Variants in PSTPIP1 observed in about 807,000 individuals in gnomAD.
PSTPIP1 encodes the protein proline-serine-threonine phosphatase interacting protein 1.
Under a neutral mutation model 69.6 loss-of-function variants are expected in PSTPIP1, and 66 were observed. The ratio of observed to expected loss-of-function variants is 0.95; its 90% CI spans 0.78 to 1.16. The LOEUF is 1.16. Ranked by LOEUF, PSTPIP1 falls within the 50% of genes most tolerant of loss-of-function variation. The pLI is 0.00. For missense variants in PSTPIP1, 603 were observed against 557.4 expected, an observed-to-expected ratio of 1.08 and a Z score of -0.82; for synonymous variants, 266 against 222.7, an observed-to-expected ratio of 1.19 and a Z score of -1.73.
At position 77,027,974 on chromosome 15, in the gene PSTPIP1, G is replaced by A; in HGVS notation, c.417+60G>A. 7.1e-7 allele frequency: 1 copy of A among 1,411,962 alleles called. No homozygotes were observed. Among genetic ancestry groups the A allele is most frequent in the Non-Finnish European group, 9.8e-7 (1 of 1,022,740 alleles). The allele number at this position is 1,411,962 out of a possible 1,614,324, so 87.5% of individuals were successfully genotyped here. ...CGAGGAGCAGCGCAGGTCTCAGGGT[G>A]CGATCCTGGGCTGTGGCCCCGGGCA... is the stretch of plus-strand genomic sequence containing the variant. On this transcript the variant is annotated intron_variant, in intron 6 of 14. Transcript: ENST00000558012. The surrounding 1 kb of genome is among the most constrained non-coding windows in gnomAD (Gnocchi z 4.3).
At chr15:77,009,553 C>G (rs2075890483) in intron 1 of PSTPIP1, among the ~76,000 whole-genome samples, 1 of 152,224 alleles carries the variant, frequency 6.6e-6, no homozygotes, top group Admixed American at 6.5e-5. Context: ...AAACCCAGTT[C>G]TCCTTGTAAA....
intron 2 of PSTPIP1, 98 bp downstream of exon 2, chr15:77,018,346 T>C: frequency 6.5e-7 from 1 of 1,536,196 alleles, no homozygotes; most frequent in Non-Finnish European, 8.8e-7. Context: ...CCAGCCAAAC[T>C]CTGTCAGAAC....
chr15:77,031,120 C>T, intron 9 of PSTPIP1, 60 bp from the exon 10 acceptor site: 1 of 1,510,092 alleles, frequency 6.6e-7, no homozygotes, highest in South Asian at 1.1e-5. Flanking sequence ...GAATGGGGCC[C>T]AGCCTGGCCG....
chr15:76,996,407 G>A lies in PSTPIP1; in HGVS notation c.36+798G>A, dbSNP rs112736225. Among the ~76,000 whole-genome samples, 796 of 152,320 alleles carry A rather than the reference G, an allele frequency of 5.2e-3. 7 individuals carry two copies. The highest frequency in any genetic ancestry group is 0.018 in the African/African-American group (754 of 41,574). ...AACTACCCCTCTGCCCCTCAGCTCT[G>A]GCTGTGCCCAGGGCTCTGGGGAAAA... On this transcript the variant is annotated intron_variant, in intron 1 of 14. Transcript: ENST00000558012.
intron 1 of PSTPIP1, chr15:76,999,375 G>A (rs1282596642): frequency 6.6e-6 from 1 of 151,876 alleles, no homozygotes; most frequent in East Asian, 1.9e-4. Context: ...GCCTCCTGGG[G>A]TCAGGTGATT....
intron 14 of PSTPIP1, among the ~76,000 whole-genome samples, chr15:77,036,790 T>G (rs1305788873): frequency 6.6e-6 from 1 of 152,028 alleles, no homozygotes; most frequent in Admixed American, 6.6e-5. Flanking sequence ...CTCCAGTCAC[T>G]GCGTCTCCAG....
In PSTPIP1 at chr15:77,018,514, T is replaced by C; in HGVS notation, c.195T>C (p.Gly65=). ...TGGTGCAGATCGCACGGAAGGCAGG[T>C]GGCCAGACGGAGATCAAGTAAGATC... is the stretch of plus-strand genomic sequence containing the variant. ...KELVQIARKA[G]GQTEINSLRA... is the part of the protein sequence containing the mutation. Residue 65 remains glycine, a synonymous_variant, in exon 3 of 15, where the codon GGT becomes GGC. Transcript: ENST00000558012. 6.3e-7 allele frequency: 1 copy of C among 1,575,404 alleles called. No homozygotes were observed. The highest frequency in any genetic ancestry group is 8.6e-7 in the Non-Finnish European group (1 of 1,160,454).
chr15:77,032,429 G>T, intron 11 of PSTPIP1, 35 bp downstream of exon 11: 1 of 1,605,120 alleles, frequency 6.2e-7, no homozygotes, highest in Non-Finnish European at 8.5e-7. Context: ...CAGCCTCTAG[G>T]TGCATTGAGC....
intron 1 of PSTPIP1, 93 bp downstream of exon 1, chr15:76,995,702 G>C: frequency 6.3e-7 from 1 of 1,598,498 alleles, no homozygotes; most frequent in Non-Finnish European, 8.6e-7. Flanking sequence ...CTCCGAGAGG[G>C]GAGCTTTCTC....
At chr15:77,021,685 A>T (rs2076164660) in intron 3 of PSTPIP1, among the ~76,000 whole-genome samples, 1 of 152,182 alleles carries the variant, frequency 6.6e-6, no homozygotes, top group Non-Finnish European at 1.5e-5. Flanking sequence ...TCTTAAAAAA[A>T]AAGATAGTGT....
At chr15:77,025,213 C>T (rs1005192177) in intron 3 of PSTPIP1, 71 bp from the exon 4 acceptor site, 29 of 1,513,440 alleles carry the variant, frequency 1.9e-5, no homozygotes, top group Middle Eastern at 3.4e-4. Context: ...CCCACCCCGC[C>T]GGGAGGCAGC....
chr15:76,998,856 G>A (rs35018118), intron 1 of PSTPIP1, among the ~76,000 whole-genome samples: 57,677 of 152,086 alleles, frequency 0.38, 13,053 homozygotes, highest in Middle Eastern at 0.56. Flanking sequence ...TGCTGTAGGA[G>A]TGAGGCAGGG....
In PSTPIP1 at chr15:77,027,897, T is replaced by C. The variant is rs374212404; in HGVS notation, c.400T>C (p.Tyr134His). The change falls in exon 6 of 15, where the codon TAC (tyrosine) becomes CAC (histidine). Residue 134 changes from tyrosine (Y) to histidine (H), a missense_variant. Transcript: ENST00000558012. This position sits in a 1 kb window ranked among gnomAD's most constrained non-coding sequence, Gnocchi z 4.3. ...GGTCCAGAAGAGCAAGCTGTCGCTC[T>C]ACAAGAAGGCCATGGAGGTGAGCGC... is the stretch of plus-strand genomic sequence containing the variant. Reference protein sequence around the residue: ...DRVQKSKLSLYKKAMESKKTY... With the variant: ...DRVQKSKLSLHKKAMESKKTY... The C allele has an allele frequency of 1.5e-5, 24 of 1,565,236 alleles. No individual in the cohort carries two copies. Among genetic ancestry groups the C allele is most frequent in the Non-Finnish European group, 1.9e-5 (22 of 1,155,646 alleles).
Position 77,030,512 on chromosome 15 carries a change from C to G in PSTPIP1, c.573C>G (p.Tyr191Ter). The change falls in exon 9 of 15, where the codon TAC (tyrosine) becomes TAG (stop). Residue 191 changes from tyrosine to a stop codon, truncating the protein, a stop_gained. Transcript: ENST00000558012. LOFTEE classifies it high-confidence loss of function. ...KDSATEAERV[Y>*]RQSIAQLEKV... is the part of the protein sequence containing the mutation. ...TGCCTGCGCTTTCAGAGCGGGTATA[C>G]AGGCAGAGCATTGCGCAGCTGGAGA... The G allele has an allele frequency of 6.2e-7, 1 of 1,612,530 alleles. No homozygotes were observed.
intron 1 of PSTPIP1, among the ~76,000 whole-genome samples, chr15:76,998,098 C>T (rs1396085301): frequency 2.6e-5 from 4 of 152,134 alleles, no homozygotes; most frequent in African/African-American, 4.8e-5. Context: ...ATTAGCCAGG[C>T]GTGATGGCAT....
chr15:76,995,059 C>T (rs2075542387), upstream of PSTPIP1: 2 of 1,187,204 alleles, frequency 1.7e-6, no homozygotes, highest in East Asian at 1.2e-4. Context: ...CGGGGCTGCA[C>T]AGGGGAGCAC....
At position 76,995,602 on chromosome 15, in the gene PSTPIP1, C is replaced by A. The variant is rs775041579; in HGVS notation, c.29C>A (p.Ala10Asp). ...ATGCCCCAGCTGCAGTTCAAAGATG[C>A]CTTTTGGGTGAGTGAGGATGGTTGG... MMPQLQFKDAFWCRDFTAHT... is the reference protein window; with the variant it reads MMPQLQFKDDFWCRDFTAHT... The change falls in exon 1 of 15, where the codon GCC (alanine) becomes GAC (aspartate). Residue 10 changes from alanine to aspartate, a missense_variant. Transcript: ENST00000558012. 6.2e-7 allele frequency: 1 copy of A among 1,613,482 alleles called. No homozygotes were observed. The highest frequency in any genetic ancestry group is 8.5e-7 in the Non-Finnish European group (1 of 1,179,894).
intron 10 of PSTPIP1, 121 bp from the exon 11 acceptor site, chr15:77,032,177 C>A (rs556397189): frequency 3.2e-4 from 301 of 954,886 alleles, no homozygotes; most frequent in Non-Finnish European, 4.5e-4. Context: ...GGATCAAAGA[C>A]CCCGAGCCGC....
At chr15:77,025,451 C>T in intron 4 of PSTPIP1, 47 bp from the exon 5 acceptor site, 1 of 1,584,552 alleles carries the variant, frequency 6.3e-7, no homozygotes, top group Non-Finnish European at 8.6e-7. Context: ...GTGGCTGAGG[C>T]CCATCAGATC....
Sources: gnomAD v4.1 joint callset for allele counts (sites outside exome capture counted in the v4.1 genomes callset) on GRCh38, gnomAD v4.1.1 for gene constraint, Gnocchi (gnomAD v3.1) non-coding constraint, MANE v1.5 for transcripts, NCBI Gene and HGNC (gene_info 2026-07-23, HGNC 2026-07-21) for gene names.